UBR1: variants seen among roughly 807,000 people sequenced by gnomAD.
UBR1 encodes E3 ubiquitin-protein ligase UBR1.
A neutral mutation model predicts 242.1 loss-of-function variants in UBR1; 102 were observed. The ratio of observed to expected loss-of-function variants is 0.42; its 90% CI spans 0.36 to 0.50. The LOEUF (loss-of-function observed/expected upper bound fraction) is 0.50. UBR1 is among the 20% of genes least tolerant of loss of function. The pLI, the probability that UBR1 is intolerant of heterozygous loss-of-function variation, is 0.01. For missense variants in UBR1, 1,772 were observed against 2,101.8 expected (o/e 0.84, Z 3.07); for synonymous variants, 675 against 684.8 (o/e 0.99, Z 0.22).
chr15:43,102,658 T>C (rs1159929958), intron 1 of UBR1, among the ~76,000 whole-genome samples: 1 of 152,172 alleles, frequency 6.6e-6, no homozygotes, highest in African/African-American at 2.4e-5. Flanking sequence ...TCAGTCCTCA[T>C]TATCATGGAC....
At chr15:42,984,544 A>C (rs1275241936) in intron 36 of UBR1, among the ~76,000 whole-genome samples, 2 of 152,244 alleles carry the variant, frequency 1.3e-5, no homozygotes, top group African/African-American at 4.8e-5. Context: ...TCCAGAGCTA[A>C]GCCAGCATTA....
chr15:43,008,640 G>A (rs539585573), intron 29 of UBR1, among the ~76,000 whole-genome samples: 9 of 152,206 alleles, frequency 5.9e-5, no homozygotes, highest in Non-Finnish European at 1.3e-4. Context: ...CCTGGGGACC[G>A]GTATGTCAGT....
intron 6 of UBR1, among the ~76,000 whole-genome samples, chr15:43,066,707 T>C (rs1005470599): frequency 6.6e-6 from 1 of 152,176 alleles, no homozygotes; most frequent in African/African-American, 2.4e-5. Context: ...TTTTATTCTC[T>C]CTGTAGCAAT....
At chr15:43,008,975 C>T (rs1476274862) in intron 29 of UBR1, among the ~76,000 whole-genome samples, 1 of 152,250 alleles carries the variant, frequency 6.6e-6, no homozygotes, top group African/African-American at 2.4e-5. Flanking sequence ...ATAAAGCTCT[C>T]CACCTTGCTC....
chr15:43,087,310 C>G (rs1265258491), intron 1 of UBR1, among the ~76,000 whole-genome samples: 1 of 151,934 alleles, frequency 6.6e-6, no homozygotes, highest in Non-Finnish European at 1.5e-5. Context: ...GAGGTTGAGG[C>G]AGGAGGATGG....
At chr15:43,036,695 C>T (rs994755513) in intron 17 of UBR1, 102 bp from the exon 18 acceptor site, 47 of 781,708 alleles carry the variant, frequency 6.0e-5, no homozygotes, top group East Asian at 7.6e-5. Context: ...CTAGAAACCC[C>T]TCAAAATCCT....
Position 43,086,972 on chromosome 15 carries a change from G to A in UBR1, c.82-732C>T, listed in dbSNP as rs573731074. Among the ~76,000 whole-genome samples, 323 of 152,250 alleles carry A rather than the reference G, an allele frequency of 2.1e-3. 1 individual carries two copies. Among genetic ancestry groups the A allele is most frequent in the African/African-American group, 7.2e-3 (299 of 41,562 alleles). On this transcript the variant is annotated intron_variant, in intron 1 of 46. Transcript: ENST00000290650. Reference sequence around the variant, plus strand: ...TAGCGTGTGCCTGTGAATAGGCACCGCACTTCAGCCTCGACAACACATAGG... The same window carrying A: ...TAGCGTGTGCCTGTGAATAGGCACCACACTTCAGCCTCGACAACACATAGG...
rs1458434995 is a variant in UBR1, at chr15:42,944,279, A to T, written c.*1050T>A. The T allele has an allele frequency of 6.6e-6, 1 of 152,654 alleles. No homozygotes were observed. Among genetic ancestry groups the T allele is most frequent in the African/African-American group, 2.4e-5 (1 of 41,464 alleles). The allele number at this position is 152,654 out of a possible 1,614,324, so 9.5% of individuals were successfully genotyped here. ...TTTATAAACAAGATGGCTCAACCACAGCATGTTATAACAGGACACAGACTA... is the reference window on the plus strand; with the variant it reads ...TTTATAAACAAGATGGCTCAACCACTGCATGTTATAACAGGACACAGACTA... On this transcript the variant is annotated 3_prime_UTR_variant, in exon 47 of 47. Transcript: ENST00000290650.
intron 35 of UBR1, among the ~76,000 whole-genome samples, chr15:42,985,707 G>C (rs1309070745): frequency 6.6e-6 from 1 of 152,018 alleles, no homozygotes; most frequent in Non-Finnish European, 1.5e-5. Flanking sequence ...AAGAAAATGA[G>C]ACCGGGTGCA....
chr15:43,023,979 AAC>A (rs1433054066), intron 25 of UBR1, among the ~76,000 whole-genome samples: 1 of 152,194 alleles, frequency 6.6e-6, no homozygotes, highest in African/African-American at 2.4e-5. Flanking sequence ...AGACTACTGA[AAC>A]ACATTATATC....
intron 2 of UBR1, among the ~76,000 whole-genome samples, chr15:43,084,874 G>A (rs769700676): frequency 2.6e-5 from 4 of 152,184 alleles, no homozygotes; most frequent in Non-Finnish European, 4.4e-5. Context: ...ACAATTCTCT[G>A]TATTTATAAA....
chr15:43,091,129 G>A (rs2034101174), intron 1 of UBR1, among the ~76,000 whole-genome samples: 1 of 151,976 alleles, frequency 6.6e-6, no homozygotes, highest in African/African-American at 2.4e-5. Flanking sequence ...GTAGAGACGG[G>A]GTTTTTCCAT....
chr15:43,003,978 G>A, intron 30 of UBR1, 48 bp from the exon 31 acceptor site: 1 of 1,528,134 alleles, frequency 6.5e-7, no homozygotes, highest in Middle Eastern at 1.7e-4. Flanking sequence ...AGGTTATCAG[G>A]TCCAAAGTCT....
chr15:42,963,887 T>C, intron 42 of UBR1, 48 bp downstream of exon 42: 1 of 1,448,728 alleles, frequency 6.9e-7, no homozygotes, highest in South Asian at 1.1e-5. Context: ...AATTTTAAAA[T>C]TTCAAATTGT....
At chr15:43,060,611 C>T (rs551453479) in intron 6 of UBR1, among the ~76,000 whole-genome samples, 96 of 152,234 alleles carry the variant, frequency 6.3e-4, no homozygotes, top group African/African-American at 2.2e-3. Context: ...TTCTTTTACC[C>T]ACCTGTAAAA....
chr15:42,983,137 T>C (rs1228168855), intron 37 of UBR1, among the ~76,000 whole-genome samples: 1 of 152,188 alleles, frequency 6.6e-6, no homozygotes, highest in Non-Finnish European at 1.5e-5. Context: ...GAAATGGGCA[T>C]GGAACTGAGT....
intron 19 of UBR1, among the ~76,000 whole-genome samples, chr15:43,035,239 T>G (rs11070387): frequency 0.8 from 121,544 of 152,064 alleles, 49,680 homozygotes; most frequent in Non-Finnish European, 0.89. Flanking sequence ...ACACTAAAAC[T>G]TTAAAAGTGA....
chr15:43,034,259 AATAAATAAATAAATAAATAAATAG>A lies in UBR1; in HGVS notation c.2191-1652_2191-1629del, dbSNP rs1227433924. Among the ~76,000 whole-genome samples the A allele has an allele frequency of 3.4e-3, 290 of 84,352 alleles. 1 individual carries two copies. The highest frequency in any genetic ancestry group is 0.017 in the South Asian group (35 of 2,028). 55.3% of individuals were successfully genotyped at this position (84,352 alleles called of 152,430 possible). A position where few individuals can be genotyped will look rare whatever the true frequency, so the allele number is the denominator to read the frequency against. ...TCAAAAATAAATAAATAAATAAATA[AATAAATAAATAAATAAATAAATAG>A]ATAAATAAATGAGCTGGGCGTGGTG... On this transcript the variant is annotated intron_variant, in intron 19 of 46. Coordinates refer to ENST00000290650, the MANE Select transcript of UBR1 (RefSeq NM_174916.3).
chr15:43,104,624 G>A (rs562567704), intron 1 of UBR1, among the ~76,000 whole-genome samples: 23 of 152,024 alleles, frequency 1.5e-4, no homozygotes, highest in African/African-American at 5.6e-4. Context: ...TTCAGTCCCT[G>A]GAGTTGACTC....
Sources: gnomAD v4.1 joint callset for allele counts (sites outside exome capture counted in the v4.1 genomes callset) on GRCh38, gnomAD v4.1.1 for gene constraint, MANE v1.5 for transcripts, NCBI Gene and HGNC (gene_info 2026-07-23, HGNC 2026-07-21) for gene names.